Variants in IL3RA observed in about 807,000 individuals in gnomAD.
The protein encoded by IL3RA is interleukin-3 receptor subunit alpha.
IL3RA carries 73 observed loss-of-function variants against 52.3 expected under a neutral mutation model. The observed-to-expected ratio is 1.40, with a 90% CI of 1.16 to 1.70. IL3RA has a LOEUF of 1.70. IL3RA is among the 40% of genes most tolerant of loss of function. The pLI is 0.00. For missense variants in IL3RA, 664 were observed against 504.4 expected, an observed-to-expected ratio of 1.32 and a Z score of -3.03; for synonymous variants, 260 against 194.0, an observed-to-expected ratio of 1.34 and a Z score of -2.83.
intron 9 of IL3RA, among the ~76,000 whole-genome samples, chrX:1,368,456 T>G (rs1222829223): frequency 1.3e-5 from 2 of 151,264 alleles, no homozygotes; most frequent in Non-Finnish European, 2.9e-5. Context: ...TGCTGTGGCT[T>G]AAGCCTGTAA....
intron 2 of IL3RA, 51 bp from the exon 3 acceptor site, chrX:1,345,265 G>T: frequency 7.8e-7 from 1 of 1,287,714 alleles, no homozygotes; most frequent in Non-Finnish European, 1.1e-6. Flanking sequence ...TTACAATGCC[G>T]TTTTAAGATT....
In IL3RA at chrX:1,352,232, A is replaced by G; in HGVS notation, c.431A>G (p.Asn144Ser). The G allele has an allele frequency of 6.2e-7, 1 of 1,613,614 alleles. No individual in the cohort carries two copies. Among genetic ancestry groups the G allele is most frequent in the Non-Finnish European group, 8.5e-7 (1 of 1,179,736 alleles). ...VQYDLYLNVA[N>S]RRQQYECLHY... is the part of the protein sequence containing the mutation. The stretch of plus-strand genomic sequence containing the variant: ...TACGACCTGTACTTGAACGTTGCCA[A>G]GTAGGTGTGCCCGTGGGCAGAGGCC... The change falls in exon 5 of 12, where the codon AAC becomes AGC. Residue 144 changes from asparagine (N) to serine (S), a missense_variant and splice_region_variant. Coordinates refer to ENST00000331035, the MANE Select transcript of IL3RA (RefSeq NM_002183.4).
At chrX:1,363,457 G>T (rs761816572) in intron 8 of IL3RA, among the ~76,000 whole-genome samples, 31 of 151,630 alleles carry the variant, frequency 2.0e-4, no homozygotes, top group African/African-American at 7.0e-4. Flanking sequence ...CCCGCCACCG[G>T]GCCCGGCTAA....
chrX:1,353,490 C>T (rs1489815740), intron 6 of IL3RA, among the ~76,000 whole-genome samples: 2 of 150,718 alleles, frequency 1.3e-5, no homozygotes, highest in Admixed American at 1.3e-4. Context: ...CATCATGAGT[C>T]ATGGGACCCC....
chrX:1,361,924 G>A (rs2087429425), intron 8 of IL3RA, among the ~76,000 whole-genome samples: 1 of 151,726 alleles, frequency 6.6e-6, no homozygotes, highest in Admixed American at 6.6e-5. Flanking sequence ...GAGTTATAAG[G>A]GCTACAATTC....
At chrX:1,360,054 T>G (rs111162407) in intron 8 of IL3RA, among the ~76,000 whole-genome samples, 3,199 of 147,496 alleles carry the variant, frequency 0.022, 139 homozygotes, top group African/African-American at 0.076. Context: ...TGTCTGTCTC[T>G]GTATCTCTCT....
chrX:1,353,953 CCA>C lies in IL3RA; in HGVS notation c.616+1448_616+1449del, dbSNP rs1569522247. 8.9e-3 allele frequency among the ~76,000 whole-genome samples: 676 copies of C among 75,768 alleles called. 93 individuals are homozygous for C. Among genetic ancestry groups the C allele is most frequent in the African/African-American group, 0.033 (644 of 19,304 alleles). 49.7% of individuals were successfully genotyped at this position (75,768 alleles called of 152,430 possible). On this transcript the variant is annotated intron_variant, in intron 6 of 11. Transcript: ENST00000331035. The stretch of plus-strand genomic sequence containing the variant: ...ATCATGGGTCATGGGACCCCCCCCC[CCA>C]TCATGGGTCGTGGGACCCCCACCCC...
chrX:1,380,583 A>C (rs865799217), intron 10 of IL3RA, among the ~76,000 whole-genome samples: 1 of 14,082 alleles, frequency 7.1e-5, no homozygotes, highest in Admixed American at 7.6e-4. Flanking sequence ...AGGGTGGGGG[A>C]GGGGGAAGGG....
rs1220329679 is a variant in IL3RA, at chrX:1,374,787, C to G, written c.875-3872C>G. 6.1e-4 allele frequency among the ~76,000 whole-genome samples: 5 copies of G among 8,246 alleles called. No individual in the cohort carries two copies. The East Asian group carries it at 6.5e-3, about 11-fold the overall frequency. The allele number at this position is 8,246 out of a possible 152,430, so 5.4% of individuals were successfully genotyped here. A position where few individuals can be genotyped will look rare whatever the true frequency, so the allele number is the denominator to read the frequency against. ...CTGTGAGGACACAGGGAGAAGACGG[C>G]GTCTCCAAGCCCAGGAGAGGGGCCT... On this transcript the variant is annotated intron_variant, in intron 9 of 11. Transcript: ENST00000331035.
In IL3RA at chrX:1,378,780, C is replaced by A; in HGVS notation, c.980+16C>A. 1 of 1,598,942 alleles carries A rather than the reference C, an allele frequency of 6.3e-7. No individual in the cohort carries two copies. Among genetic ancestry groups the A allele is most frequent in the Non-Finnish European group, 8.6e-7 (1 of 1,167,878 alleles). On this transcript the variant is annotated intron_variant, in intron 10 of 11. Coordinates refer to ENST00000331035, the MANE Select transcript of IL3RA (RefSeq NM_002183.4). ...TCTGCAGAAGGTGAGCCCTCGAGGG[C>A]GTCCGCGAGCGTCGCTTGTTTCCAG...
At chrX:1,380,090 C>T (rs1384995695) in intron 10 of IL3RA, among the ~76,000 whole-genome samples, 16 of 151,924 alleles carry the variant, frequency 1.1e-4, no homozygotes, top group African/African-American at 2.9e-4. Flanking sequence ...GACGGAGTTT[C>T]TCCGTGTTGA....
intron 11 of IL3RA, 113 bp downstream of exon 11, chrX:1,381,217 G>T: frequency 1.1e-6 from 1 of 885,942 alleles, no homozygotes; most frequent in East Asian, 2.4e-5. Context: ...TGGCCAACAT[G>T]GAGAAACTCC....
At chrX:1,344,277 T>C (rs1189102402) in intron 2 of IL3RA, among the ~76,000 whole-genome samples, 5 of 150,764 alleles carry the variant, frequency 3.3e-5, no homozygotes, top group Middle Eastern at 3.2e-3. Context: ...CTAGTAAAAA[T>C]ACAAAAATTA....
At position 1,378,641 on chromosome X, in the gene IL3RA, C is replaced by G. The variant is rs1202657393; in HGVS notation, c.875-18C>G. 1 of 1,609,094 alleles carries G rather than the reference C, an allele frequency of 6.2e-7. No individual in the cohort carries two copies. The highest frequency in any genetic ancestry group is 8.5e-7 in the Non-Finnish European group (1 of 1,177,666). On this transcript the variant is annotated intron_variant, in intron 9 of 11. Coordinates refer to ENST00000331035, the MANE Select transcript of IL3RA (RefSeq NM_002183.4). ...AGGACGGCCCCCGGTCTGTGACCCT[C>G]TCACCCTTTACCCCTAGAGTGCGAC...
chrX:1,347,393 C>T (rs1386149249), intron 3 of IL3RA, among the ~76,000 whole-genome samples: 5 of 151,036 alleles, frequency 3.3e-5, no homozygotes, highest in East Asian at 1.9e-4. Flanking sequence ...TGCAGTGAGC[C>T]GAGATCGCGC....
At chrX:1,344,504 G>C (rs1431990963) in intron 2 of IL3RA, among the ~76,000 whole-genome samples, 1 of 151,754 alleles carries the variant, frequency 6.6e-6, no homozygotes, top group Non-Finnish European at 1.5e-5. Context: ...ACTGGGCATG[G>C]TGGCTCATGC....
chrX:1,382,527 A>C lies in IL3RA; in HGVS notation c.*62A>C. 4.8e-6 allele frequency: 7 copies of C among 1,468,736 alleles called. No homozygotes were observed. Among genetic ancestry groups the C allele is most frequent in the Non-Finnish European group, 6.7e-6 (7 of 1,047,604 alleles). The allele number at this position is 1,468,736 out of a possible 1,614,324, so 91.0% of individuals were successfully genotyped here. ...CTCCCTGGCCGGGCCAGGCGCCTGC[A>C]CAGACTGGCTGCTGGACCTGCGCAC... On this transcript the variant is annotated 3_prime_UTR_variant, in exon 12 of 12. Transcript: ENST00000331035.
At chrX:1,356,977 ACTCTGGCT>A (rs1461840707) in intron 7 of IL3RA, among the ~76,000 whole-genome samples, 9 of 151,992 alleles carry the variant, frequency 5.9e-5, no homozygotes, top group Non-Finnish European at 5.9e-5. Flanking sequence ...TTATTGAGCC[ACTCTGGCT>A]CTGTAGCCCA....
intron 2 of IL3RA, among the ~76,000 whole-genome samples, chrX:1,343,354 C>CA (rs1200575882): frequency 6.6e-6 from 1 of 151,884 alleles, no homozygotes; most frequent in African/African-American, 2.4e-5. Flanking sequence ...GGGTGACCAG[C>CA]AAAATGTGAT....
Sources: allele counts gnomAD v4.1 joint callset (sites outside exome capture counted in the v4.1 genomes callset), GRCh38; gene constraint gnomAD v4.1.1; transcripts MANE v1.5; gene names NCBI Gene and HGNC (gene_info 2026-07-23, HGNC 2026-07-21).